Variants in STK31 observed in about 807,000 individuals in gnomAD.
The protein encoded by STK31 is serine/threonine-protein kinase 31.
A neutral mutation model predicts 129.7 loss-of-function variants in STK31; 89 were observed. The observed-to-expected ratio is 0.69, with a 90% CI of 0.58 to 0.82. STK31 has a LOEUF of 0.82. Among genes scored for constraint, STK31 ranks in the 40% least tolerant of loss-of-function variants. The probability of loss-of-function intolerance (pLI) is 0.00; values close to 1 mark genes in which losing one functional copy is unlikely to be tolerated. For synonymous variants in STK31, 448 were observed against 395.3 expected (o/e 1.13, Z -1.58); for missense variants, 1,187 against 1,176.4 (o/e 1.01, Z -0.13).
intron 17 of STK31, among the ~76,000 whole-genome samples, chr7:23,784,473 G>T (rs1042543683): frequency 3.3e-5 from 5 of 152,118 alleles, no homozygotes; most frequent in African/African-American, 7.2e-5. Flanking sequence ...ACCTTATGCA[G>T]TGTGGGCAAA....
intron 15 of STK31, among the ~76,000 whole-genome samples, chr7:23,780,319 T>C (rs921728119): frequency 1.3e-5 from 2 of 152,192 alleles, no homozygotes; most frequent in Admixed American, 6.5e-5. Flanking sequence ...ATCTGACTTT[T>C]AAAGTGTAAA....
chr7:23,759,160 C>A (rs1405534668), intron 10 of STK31, among the ~76,000 whole-genome samples: 1 of 152,192 alleles, frequency 6.6e-6, no homozygotes, highest in East Asian at 1.9e-4. Context: ...TACAAAGAGA[C>A]TTAGATTCCC....
chr7:23,815,036 A>T, intron 22 of STK31, 108 bp from the exon 23 acceptor site: 2 of 724,868 alleles, frequency 2.8e-6, no homozygotes, highest in Non-Finnish European at 2.1e-6. Context: ...TGCTTTCTTT[A>T]AGTAAGCTCT....
chr7:23,734,311 C>T (rs1187637527), intron 6 of STK31, among the ~76,000 whole-genome samples: 1 of 152,170 alleles, frequency 6.6e-6, no homozygotes, highest in Non-Finnish European at 1.5e-5. Context: ...TAAATTTGAG[C>T]TGTACCTACC....
intron 15 of STK31, among the ~76,000 whole-genome samples, chr7:23,772,680 G>C (rs1386447324): frequency 1.3e-5 from 2 of 152,086 alleles, no homozygotes; most frequent in Non-Finnish European, 2.9e-5. Context: ...GGTATCTTTT[G>C]TTAACTCCCT....
intron 5 of STK31, 73 bp from the exon 6 acceptor site, chr7:23,729,018 C>T: frequency 5.1e-6 from 7 of 1,373,598 alleles, no homozygotes; most frequent in Non-Finnish European, 5.8e-6. Context: ...TAACAGAGAG[C>T]AGCAAATTGG....
intron 23 of STK31, among the ~76,000 whole-genome samples, chr7:23,823,658 A>G (rs1793928354): frequency 6.6e-6 from 1 of 152,212 alleles, no homozygotes; most frequent in Admixed American, 6.5e-5. Flanking sequence ...TGTTTTAGAC[A>G]TGAAGTCCTT....
chr7:23,721,798 C>A, intron 4 of STK31: 1 of 617,566 alleles, frequency 1.6e-6, no homozygotes. Flanking sequence ...AACTGATCCT[C>A]TACAGGCATG....
chr7:23,808,137 A>T (rs1296072063), intron 22 of STK31, among the ~76,000 whole-genome samples: 1 of 139,578 alleles, frequency 7.2e-6, no homozygotes, highest in Non-Finnish European at 1.5e-5. Context: ...TTGTGAGACT[A>T]TGAATCCTTT....
At chr7:23,823,521 C>G (rs1793919821) in intron 23 of STK31, among the ~76,000 whole-genome samples, 2 of 152,084 alleles carry the variant, frequency 1.3e-5, no homozygotes, top group South Asian at 4.1e-4. Flanking sequence ...GAGTAGGTTG[C>G]AAAAATTTTC....
intron 6 of STK31, among the ~76,000 whole-genome samples, chr7:23,731,516 G>C (rs533874159): frequency 1.3e-5 from 2 of 152,320 alleles, no homozygotes; most frequent in East Asian, 3.9e-4. Flanking sequence ...GTAGGTGTTA[G>C]ATGAGCATTA....
At position 23,783,295 on chromosome 7, in the gene STK31, T is replaced by C. The variant is rs140849430; in HGVS notation, c.2068-288T>C. Among the ~76,000 whole-genome samples the C allele has an allele frequency of 2.0e-3, 309 of 152,332 alleles. 1 individual carries two copies. Among genetic ancestry groups the C allele is most frequent in the African/African-American group, 7.1e-3 (296 of 41,578 alleles). ...ATTGTTATAGGTCCACACTGCTAAG[T>C]TACATTTTCAGTCTCGTCTGCCTGT... On this transcript the variant is annotated intron_variant, in intron 16 of 23. Transcript: ENST00000355870.
chr7:23,725,560 G>C (rs193038271), intron 4 of STK31, among the ~76,000 whole-genome samples: 155 of 151,908 alleles, frequency 1.0e-3, no homozygotes, highest in African/African-American at 3.6e-3. Flanking sequence ...GTAGTTATCA[G>C]CCTGCAGTGA....
chr7:23,777,674 T>C (rs6976647), intron 15 of STK31, among the ~76,000 whole-genome samples: 77,511 of 151,616 alleles, frequency 0.51, 20,254 homozygotes, highest in African/African-American at 0.61. Context: ...TTTTTTTGCT[T>C]TCCATCTGCT....
At chr7:23,730,878 A>ATATTTTTTTTTTTTTT in intron 6 of STK31, among the ~76,000 whole-genome samples, 3 of 59,554 alleles carry the variant, frequency 5.0e-5, no homozygotes, top group Admixed American at 2.7e-4. Context: ...ATATATATAT[A>ATATTTTTTTTTTTTTT]TTTTTTTTTT....
intron 10 of STK31, among the ~76,000 whole-genome samples, chr7:23,756,703 C>T (rs1344998718): frequency 6.6e-6 from 1 of 152,100 alleles, no homozygotes; most frequent in East Asian, 1.9e-4. Flanking sequence ...AACATGAAGG[C>T]ATGTTGAATT....
chr7:23,808,476 G>A (rs1026238407), intron 22 of STK31, among the ~76,000 whole-genome samples: 2 of 152,000 alleles, frequency 1.3e-5, no homozygotes, highest in African/African-American at 2.4e-5. Context: ...AGTGGGTCCT[G>A]CCAACACCGT....
intron 23 of STK31, among the ~76,000 whole-genome samples, chr7:23,831,646 G>T (rs1450955865): frequency 1.3e-5 from 2 of 152,134 alleles, no homozygotes; most frequent in African/African-American, 4.8e-5. Context: ...TGTATCTTTT[G>T]TTTCTTATTT....
chr7:23,830,052 C>T (rs1438337832), intron 23 of STK31, among the ~76,000 whole-genome samples: 4 of 152,036 alleles, frequency 2.6e-5, no homozygotes, highest in Non-Finnish European at 2.9e-5. Context: ...CGGGTTCATG[C>T]CATTCTCCTG....
Sources: gnomAD v4.1 joint callset for allele counts (sites outside exome capture counted in the v4.1 genomes callset) on GRCh38, gnomAD v4.1.1 for gene constraint, MANE v1.5 for transcripts, NCBI Gene and HGNC (gene_info 2026-07-23, HGNC 2026-07-21) for gene names.